EVI5: variants seen among roughly 807,000 people sequenced by gnomAD.
EVI5 encodes the protein ecotropic viral integration site 5 protein homolog.
Under a neutral mutation model 112.0 loss-of-function variants are expected in EVI5, and 73 were observed. The observed-to-expected ratio is 0.65, with a 90% CI of 0.54 to 0.79. The LOEUF (loss-of-function observed/expected upper bound fraction) is 0.79. Among genes scored for constraint, EVI5 ranks in the 30% least tolerant of loss-of-function variants. The probability of loss-of-function intolerance (pLI) is 0.00; values close to 1 mark genes in which losing one functional copy is unlikely to be tolerated. For synonymous variants in EVI5, 305 were observed against 319.9 expected (o/e 0.95, Z 0.50); for missense variants, 900 against 968.8 (o/e 0.93, Z 0.94).
At chr1:92,614,379 T>A (rs1048743017) in intron 16 of EVI5, among the ~76,000 whole-genome samples, 11 of 152,098 alleles carry the variant, frequency 7.2e-5, no homozygotes, top group African/African-American at 2.4e-4. Flanking sequence ...ATGGCACAGA[T>A]GTTAAAAATA....
chr1:92,551,548 T>C (rs1013186006), intron 19 of EVI5, among the ~76,000 whole-genome samples: 3 of 152,196 alleles, frequency 2.0e-5, no homozygotes, highest in Non-Finnish European at 2.9e-5. Context: ...ATATATCAAG[T>C]TGAATGACAC....
chr1:92,661,588 A>G (rs766667419), intron 13 of EVI5, among the ~76,000 whole-genome samples: 1 of 151,918 alleles, frequency 6.6e-6, no homozygotes, highest in Non-Finnish European at 1.5e-5. Flanking sequence ...TAATGCTTTG[A>G]TATTATTGAC....
rs551089210 is a variant in EVI5, at chr1:92,758,248, T to C, written c.-81-21621A>G. On this transcript the variant is annotated intron_variant, in intron 1 of 19. Transcript: ENST00000684568. ...CTGTATTTAAAATTTTTTAGTATCA[T>C]GTAAGCCTTTTGTGATTTTGTTTTA... 3.9e-5 allele frequency among the ~76,000 whole-genome samples: 6 copies of C among 152,298 alleles called. No homozygotes were observed. The East Asian group carries it at 9.7e-4, about 25-fold the overall frequency.
intron 13 of EVI5, among the ~76,000 whole-genome samples, chr1:92,661,697 A>G (rs1208347215): frequency 6.6e-6 from 1 of 152,094 alleles, no homozygotes; most frequent in Non-Finnish European, 1.5e-5. Context: ...AATAACAGAA[A>G]AAAAAAGATG....
chr1:92,533,687 T>C (rs1463181148), intron 19 of EVI5, among the ~76,000 whole-genome samples: 1 of 152,058 alleles, frequency 6.6e-6, no homozygotes, highest in Non-Finnish European at 1.5e-5. Context: ...AAAACCACGT[T>C]TATCTCAATA....
rs1365214969 is a variant in EVI5 at position 92,636,210 on chromosome 1, T to C, written c.1519A>G (p.Ile507Val). 6.2e-7 allele frequency: 1 copy of C among 1,612,264 alleles called. No homozygotes were observed. The highest frequency in any genetic ancestry group is 1.1e-5 in the South Asian group (1 of 90,550). ...LKEMQDKVLDIEKRNNSLPDE... is the reference protein window; with the variant it reads ...LKEMQDKVLDVEKRNNSLPDE... ...TTGTGTAGGTTTCTTACCTTCTCTA[T>C]ATCCAAGACTTTATCCTGCATCTCT... The change falls in exon 14 of 20, where the codon ATA becomes GTA. Residue 507 changes from isoleucine to valine, a missense_variant. Ile to Val is a conservative substitution (Grantham distance 29). Coordinates refer to ENST00000684568, the MANE Select transcript of EVI5 (RefSeq NM_001350197.2).
At chr1:92,792,200 GA>G in intron 1 of EVI5, 3 of 600,224 alleles carry the variant, frequency 5.0e-6, no homozygotes. Context: ...AAATAAAACT[GA>G]AGAAATGTTA....
intron 13 of EVI5, among the ~76,000 whole-genome samples, chr1:92,645,859 A>T (rs1280909434): frequency 6.6e-6 from 1 of 152,034 alleles, no homozygotes; most frequent in Non-Finnish European, 1.5e-5. Flanking sequence ...GTTGCAACTC[A>T]CTTCTCTTGC....
rs937463526 is a variant in EVI5 at position 92,758,405 on chromosome 1, C to CA, written c.-81-21779dup. On this transcript the variant is annotated intron_variant, in intron 1 of 19. Transcript: ENST00000684568. ...GCAACATGGCAAAACCCCGTCTCTA[C>CA]AAAAAATACAAAAATTAGCCGGGCA... Among the ~76,000 whole-genome samples, 7 of 151,980 alleles carry CA rather than the reference C, an allele frequency of 4.6e-5. No homozygotes were observed. In the East Asian group the frequency reaches 1.2e-3, roughly 25 times the overall value.
At chr1:92,777,886 G>A (rs567968104) in intron 1 of EVI5, among the ~76,000 whole-genome samples, 18 of 150,734 alleles carry the variant, frequency 1.2e-4, no homozygotes, top group African/African-American at 4.4e-4. Flanking sequence ...CTGGATAACT[G>A]ACCTAGTCAA....
chr1:92,600,336 C>T (rs573906913), intron 18 of EVI5, among the ~76,000 whole-genome samples: 1 of 152,178 alleles, frequency 6.6e-6, no homozygotes, highest in African/African-American at 2.4e-5. Flanking sequence ...TGAGTACAGG[C>T]AATTTTGTCT....
chr1:92,769,563 G>C (rs968278950), intron 1 of EVI5, among the ~76,000 whole-genome samples: 3 of 152,128 alleles, frequency 2.0e-5, no homozygotes, highest in Non-Finnish European at 4.4e-5. Flanking sequence ...ATACGGCAGA[G>C]GGTGCTTTGC....
intron 16 of EVI5, among the ~76,000 whole-genome samples, chr1:92,614,791 ATATATG>A (rs1652651683): frequency 1.3e-5 from 2 of 148,454 alleles, no homozygotes; most frequent in South Asian, 4.2e-4. Flanking sequence ...TATGAGTTAT[ATATATG>A]TATGTGTATT....
At chr1:92,533,401 G>A (rs759427081) in intron 19 of EVI5, among the ~76,000 whole-genome samples, 17 of 152,018 alleles carry the variant, frequency 1.1e-4, no homozygotes, top group African/African-American at 3.9e-4. Flanking sequence ...TATTCCAAAC[G>A]ATAGAAAAAG....
rs141216603 is a variant in EVI5, at chr1:92,560,514, G to C, written c.2166+3128C>G. On this transcript the variant is annotated intron_variant, in intron 19 of 19. Transcript: ENST00000684568. ...TATTGAGCTGTAAACTTTTGACTTG[G>C]ACACGTCTCTGTATGCTATGCTGCT... Among the ~76,000 whole-genome samples, 43 of 152,120 alleles carry C rather than the reference G, an allele frequency of 2.8e-4. No homozygotes were observed. In the South Asian group the frequency reaches 6.4e-3, roughly 23 times the overall value.
intron 2 of EVI5, among the ~76,000 whole-genome samples, chr1:92,712,031 C>A (rs1378552334): frequency 6.6e-6 from 1 of 152,092 alleles, no homozygotes; most frequent in African/African-American, 2.4e-5. Flanking sequence ...ACACTAATCC[C>A]ATTTATGAGG....
intron 18 of EVI5, among the ~76,000 whole-genome samples, chr1:92,574,881 C>T (rs573072701): frequency 3.3e-5 from 5 of 152,248 alleles, no homozygotes; most frequent in Admixed American, 2.6e-4. Flanking sequence ...ATCTTGGAAA[C>T]TTTCTTAGGT....
chr1:92,681,343 T>C (rs2102354674), intron 9 of EVI5, among the ~76,000 whole-genome samples: 1 of 152,300 alleles, frequency 6.6e-6, no homozygotes, highest in African/African-American at 2.4e-5. Context: ...ACACACACTA[T>C]ATTTATATAC....
At chr1:92,540,189 C>G (rs1478270170) in intron 19 of EVI5, among the ~76,000 whole-genome samples, 1 of 152,126 alleles carries the variant, frequency 6.6e-6, no homozygotes, top group African/African-American at 2.4e-5. Flanking sequence ...TTTCATGTTA[C>G]TTGGGTATAT....
Sources: gnomAD v4.1 joint callset for allele counts (sites outside exome capture counted in the v4.1 genomes callset) on GRCh38, gnomAD v4.1.1 for gene constraint, MANE v1.5 for transcripts, NCBI Gene and HGNC (gene_info 2026-07-23, HGNC 2026-07-21) for gene names.